Variants in WDR20 observed in about 807,000 individuals in gnomAD.
WDR20 encodes WD repeat-containing protein 20.
In WDR20, 3 loss-of-function variants were observed where a neutral mutation model predicts 38.7. That is an observed-to-expected ratio of 0.08 (90% confidence interval 0.04 to 0.20). The LOEUF is 0.20. Ranked by LOEUF, WDR20 falls within the 10% of genes least tolerant of loss-of-function variation. The pLI is 1.00. For synonymous variants in WDR20, 298 were observed against 285.6 expected, an observed-to-expected ratio of 1.04 and a Z score of -0.44; for missense variants, 559 against 727.7, an observed-to-expected ratio of 0.77 and a Z score of 2.67.
Position 102,194,956 on chromosome 14 carries a change from C to A in WDR20, c.268C>A (p.Pro90Thr). The change falls in exon 2 of 3, where the codon CCA becomes ACA. Residue 90 changes from proline (P) to threonine (T), a missense_variant. Coordinates refer to ENST00000342702, the MANE Select transcript of WDR20 (RefSeq NM_144574.4). ...GVRKAADLSKPIDKRIYKGTQ... is the reference protein window; with the variant it reads ...GVRKAADLSKTIDKRIYKGTQ... ...CCTCCAGGCTGCTGACTTGAGTAAA[C>A]CAATAGATAAAAGGATATACAAAGG... The A allele has an allele frequency of 6.2e-7, 1 of 1,614,110 alleles. No individual in the cohort carries two copies. The highest frequency in any genetic ancestry group is 8.5e-7 in the Non-Finnish European group (1 of 1,179,994).
chr14:102,224,398 A>ATCC, downstream of WDR20: 1 of 361,534 alleles, frequency 2.8e-6, no homozygotes, highest in South Asian at 2.2e-5. Flanking sequence ...AGTTTAGGGC[A>ATCC]TCCCACACCT....
chr14:102,202,013 C>T (rs767398269), intron 2 of WDR20, among the ~76,000 whole-genome samples: 2 of 152,114 alleles, frequency 1.3e-5, no homozygotes, highest in Non-Finnish European at 2.9e-5. Context: ...TCTCTGTTCC[C>T]CAGCACCTCC....
rs78092833 is a variant in WDR20 at position 102,204,356 on chromosome 14, A to G, written c.433-4247A>G. Among the ~76,000 whole-genome samples, 703 of 152,252 alleles carry G rather than the reference A, an allele frequency of 4.6e-3. 6 individuals carry two copies. The highest frequency in any genetic ancestry group is 0.016 in the African/African-American group (652 of 41,530). ...GCAGAGGAAGAGGCCTTTCTTGGCC[A>G]TCCTATTCAACATTGAAATCACTAG... On this transcript the variant is annotated intron_variant, in intron 2 of 2. Coordinates refer to ENST00000342702, the MANE Select transcript of WDR20 (RefSeq NM_144574.4).
intron 1 of WDR20, among the ~76,000 whole-genome samples, chr14:102,158,263 A>G (rs970205187): frequency 1.4e-4 from 22 of 152,098 alleles, no homozygotes; most frequent in African/African-American, 4.8e-4. Context: ...TGGTGCTGAC[A>G]AGCAGTTGCA....
rs563962502 is a variant in WDR20, at chr14:102,174,640, C to T, written c.250-20298C>T. Among the ~76,000 whole-genome samples the T allele has an allele frequency of 1.4e-4, 21 of 152,138 alleles. No homozygotes were observed. The South Asian group carries it at 3.7e-3, about 27-fold the overall frequency. On this transcript the variant is annotated intron_variant, in intron 1 of 2. Coordinates refer to ENST00000342702, the MANE Select transcript of WDR20 (RefSeq NM_144574.4). ...TTCACCATATTAGCCAGGATGATCT[C>T]GATCTCCTGACCTCATGATCCACCC...
Position 102,195,117 on chromosome 14 carries a change from G to A in WDR20, c.429G>A (p.Glu143=). The change falls in exon 2 of 3, where the codon GAG becomes GAA. Residue 143 remains glutamate (E), a synonymous_variant. Coordinates refer to ENST00000342702, the MANE Select transcript of WDR20 (RefSeq NM_144574.4). Reference sequence around the variant, plus strand: ...AAGAAACTAGCAAACTTTTTAATGAGGAAGTAAGTAGCACCCTGTCTTAGC... The same window carrying A: ...AAGAAACTAGCAAACTTTTTAATGAAGAAGTAAGTAGCACCCTGTCTTAGC... ...IKKETSKLFN[E]ERLIDKSRVT... The A allele has an allele frequency of 6.2e-7, 1 of 1,614,000 alleles. No individual in the cohort carries two copies. Among genetic ancestry groups the A allele is most frequent in the Non-Finnish European group, 8.5e-7 (1 of 1,179,976 alleles).
intron 1 of WDR20, among the ~76,000 whole-genome samples, chr14:102,146,442 T>A (rs1566786943): frequency 6.6e-6 from 1 of 152,020 alleles, no homozygotes; most frequent in Non-Finnish European, 1.5e-5. Flanking sequence ...GGATTACAGG[T>A]GTGAATCACC....
upstream of WDR20, chr14:102,139,840 G>A (rs997103900): frequency 2.1e-5 from 33 of 1,553,256 alleles, no homozygotes; most frequent in Non-Finnish European, 2.7e-5. Context: ...GGCAGGGGGT[G>A]GGGGAAGAGG....
downstream of WDR20, chr14:102,213,039 T>A: frequency 1.0e-6 from 1 of 990,922 alleles, no homozygotes; most frequent in Middle Eastern, 5.2e-4. Context: ...GGGGGCGAGC[T>A]GGTCCCTGGG....
chr14:102,172,327 A>G (rs1449996634), intron 1 of WDR20, among the ~76,000 whole-genome samples: 2 of 150,880 alleles, frequency 1.3e-5, no homozygotes, highest in East Asian at 3.8e-4. Context: ...AGACACAGCA[A>G]CCATCCGATT....
chr14:102,195,251 T>C, intron 2 of WDR20, 131 bp downstream of exon 2: 1 of 942,146 alleles, frequency 1.1e-6, no homozygotes, highest in South Asian at 1.7e-5. Context: ...CTACCTAGTA[T>C]GCCCAAGTTT....
intron 1 of WDR20, among the ~76,000 whole-genome samples, chr14:102,186,338 G>GTT (rs1321215477): frequency 2.6e-5 from 4 of 152,282 alleles, no homozygotes; most frequent in African/African-American, 9.6e-5. Context: ...TTACTTGAGC[G>GTT]TTAAACTGTT....
intron 1 of WDR20, among the ~76,000 whole-genome samples, chr14:102,160,231 CAGG>C (rs2058337692): frequency 6.6e-6 from 1 of 152,118 alleles, no homozygotes. Flanking sequence ...AGTTTTAGAA[CAGG>C]AGAGATTGGT....
upstream of WDR20, chr14:102,139,563 C>T: frequency 1.3e-6 from 1 of 789,550 alleles, no homozygotes; most frequent in Non-Finnish European, 2.0e-6. Context: ...TGACACCAGC[C>T]CCGCCGCGGT....
chr14:102,175,484 G>A (rs1255873509), intron 1 of WDR20, among the ~76,000 whole-genome samples: 3 of 152,118 alleles, frequency 2.0e-5, no homozygotes, highest in Non-Finnish European at 4.4e-5. Flanking sequence ...CAGGTAATAT[G>A]ATGCCCCCAG....
At chr14:102,212,962 G>A, downstream of WDR20, 1 of 1,011,170 alleles carries the variant, frequency 9.9e-7, no homozygotes, top group Non-Finnish European at 1.2e-6. Flanking sequence ...AAACCACAGA[G>A]ATGAAAGGCT....
chr14:102,223,111 T>C, exon 4 of WDR20: 1 of 441,796 alleles, frequency 2.3e-6, no homozygotes, highest in Non-Finnish European at 4.0e-6. Flanking sequence ...CAGTAAAAAA[T>C]AAGAAATGGA....
At chr14:102,144,826 A>G (rs574324221) in intron 1 of WDR20, among the ~76,000 whole-genome samples, 1 of 152,072 alleles carries the variant, frequency 6.6e-6, no homozygotes, top group African/African-American at 2.4e-5. Flanking sequence ...GCTACTCCCG[A>G]GTAGCTGGGA....
At chr14:102,197,113 A>G (rs2059541081) in intron 2 of WDR20, among the ~76,000 whole-genome samples, 1 of 152,178 alleles carries the variant, frequency 6.6e-6, no homozygotes, top group South Asian at 2.1e-4. Context: ...TGGCCTCTAC[A>G]GGGAGGGTGG....
Sources: allele counts gnomAD v4.1 joint callset (sites outside exome capture counted in the v4.1 genomes callset), GRCh38; gene constraint gnomAD v4.1.1; transcripts MANE v1.5; gene names NCBI Gene and HGNC (gene_info 2026-07-23, HGNC 2026-07-21).